ZFHX3: variants seen among roughly 807,000 people sequenced by gnomAD.
The protein encoded by ZFHX3 is zinc finger homeobox protein 3.
A neutral mutation model predicts 279.1 loss-of-function variants in ZFHX3; 42 were observed. The ratio of observed to expected loss-of-function variants is 0.15; its 90% CI spans 0.12 to 0.19. The LOEUF is 0.19. Among genes scored for constraint, ZFHX3 ranks in the 10% least tolerant of loss-of-function variants. The pLI, the probability that ZFHX3 is intolerant of heterozygous loss-of-function variation, is 1.00. For missense variants in ZFHX3, 4,981 were observed against 4,754.0 expected (o/e 1.05, Z -1.40); for synonymous variants, 2,293 against 1,957.8 (o/e 1.17, Z -4.52).
chr16:73,276,050 TA>T lies in ZFHX3; in HGVS notation c.-1193-18915del, dbSNP rs748875741. Among the ~76,000 whole-genome samples the T allele has an allele frequency of 1.1e-4, 17 of 152,272 alleles. No individual in the cohort carries two copies. The East Asian group carries it at 2.7e-3, about 24-fold the overall frequency. ...AGATGAAGCGTCCATGCCCCATTTT[TA>T]AAACTCTTATCATTTTTCCTACACA... On this transcript the variant is annotated intron_variant, in intron 4 of 17. Coordinates refer to the ZFHX3 transcript ENST00000641206.
At chr16:73,743,140 C>T (rs1465255591) in intron 1 of ZFHX3, among the ~76,000 whole-genome samples, 1 of 152,114 alleles carries the variant, frequency 6.6e-6, no homozygotes, top group African/African-American at 2.4e-5. Context: ...ACAAATTGAA[C>T]TACAACTTGC....
chr16:73,527,351 G>A lies in ZFHX3; in HGVS notation c.-1546-71093C>T, dbSNP rs555874112. The stretch of plus-strand genomic sequence containing the variant: ...AGGAGAAAAGAGGTTGTACTTTTGA[G>A]ACAGGTTGTGTCTATGAACTCCTAT... On this transcript the variant is annotated intron_variant, in intron 2 of 17. Transcript: ENST00000641206. Among the ~76,000 whole-genome samples the A allele has an allele frequency of 2.6e-3, 401 of 152,284 alleles. 2 individuals carry two copies. Among genetic ancestry groups the A allele is most frequent in the Admixed American group, 6.0e-3 (91 of 15,286 alleles).
intron 1 of ZFHX3, among the ~76,000 whole-genome samples, chr16:73,735,347 C>T (rs574215632): frequency 9.3e-4 from 132 of 142,044 alleles, no homozygotes; most frequent in African/African-American, 2.9e-3. Flanking sequence ...AAATCTCCAA[C>T]GGAAATCCAA....
rs755560473 is a variant in ZFHX3, at chr16:72,959,869, T to C, written c.277A>G (p.Thr93Ala). 5.6e-6 allele frequency: 9 copies of C among 1,603,494 alleles called. 1 individual carries two copies. The South Asian group carries it at 8.9e-5, about 16-fold the overall frequency. ...ECSASFASLQTYMEHHCPSAR... is the reference protein window; with the variant it reads ...ECSASFASLQAYMEHHCPSAR... ...CTGGGGCAGTGGTGCTCCATGTAGG[T>C]CTGGAGGCTGGCAAAGGAGGCCGAA... Residue 93 changes from threonine to alanine, a missense_variant, in exon 2 of 10, where the codon ACC becomes GCC. Physicochemically the swap from Thr to Ala is moderately conservative, Grantham distance 58. Coordinates refer to ENST00000268489, the MANE Select transcript of ZFHX3 (RefSeq NM_006885.4).
chr16:73,658,158 G>C (rs879497622), intron 2 of ZFHX3, among the ~76,000 whole-genome samples: 4 of 151,926 alleles, frequency 2.6e-5, no homozygotes, highest in Admixed American at 1.3e-4. Flanking sequence ...ATTTATTCTT[G>C]TGACCACTAT....
At chr16:73,185,552 G>A (rs922483577) in intron 5 of ZFHX3, among the ~76,000 whole-genome samples, 9 of 152,168 alleles carry the variant, frequency 5.9e-5, no homozygotes, top group Non-Finnish European at 1.0e-4. Context: ...GTGTGGAATG[G>A]GCAAACCTCT....
intron 2 of ZFHX3, among the ~76,000 whole-genome samples, chr16:73,637,108 A>G (rs2052533802): frequency 6.6e-6 from 1 of 152,084 alleles, no homozygotes; most frequent in Non-Finnish European, 1.5e-5. Context: ...ATATATAAGA[A>G]TTTGTATAAT....
intron 2 of ZFHX3, among the ~76,000 whole-genome samples, chr16:73,661,646 C>T (rs563160372): frequency 4.0e-5 from 6 of 148,870 alleles, no homozygotes; most frequent in African/African-American, 1.2e-4. Flanking sequence ...CACTTGAACC[C>T]GGGAGGTGAA....
chr16:73,573,036 C>T (rs1345011616), intron 2 of ZFHX3, among the ~76,000 whole-genome samples: 2 of 152,180 alleles, frequency 1.3e-5, no homozygotes, highest in East Asian at 1.9e-4. Context: ...TTTATCCCTC[C>T]GTGACCCCAA....
In ZFHX3 at chr16:72,934,338, G is replaced by A. The variant is rs1048945261; in HGVS notation, c.3216+16131C>T. Reference sequence around the variant, plus strand: ...AGCTACTTGGGAGGCTGAGGCAGGAGAATCACTTGAACCCGGGAGGCGAAG... The same window carrying A: ...AGCTACTTGGGAGGCTGAGGCAGGAAAATCACTTGAACCCGGGAGGCGAAG... On this transcript the variant is annotated intron_variant, in intron 3 of 9. Transcript: ENST00000268489. Among the ~76,000 whole-genome samples the A allele has an allele frequency of 3.9e-5, 6 of 152,284 alleles. No homozygotes were observed. In the East Asian group the frequency reaches 5.8e-4, roughly 15 times the overall value.
chr16:73,060,371 C>CA (rs1965666424), upstream of ZFHX3: 1 of 152,128 alleles, frequency 6.6e-6, no homozygotes, highest in African/African-American at 2.4e-5. Context: ...TCCCTGGAAT[C>CA]AAAGACAGCA....
intron 7 of ZFHX3, chr16:72,809,581 C>G (rs1185878256): frequency 1.3e-5 from 2 of 152,348 alleles, no homozygotes; most frequent in East Asian, 1.9e-4. Context: ...CACCTTTGAG[C>G]TTCCCATTGG....
At chr16:73,055,694 G>GCACACACACACA (rs753027373) in intron 1 of ZFHX3, among the ~76,000 whole-genome samples, 7,640 of 137,754 alleles carry the variant, frequency 0.055, 238 homozygotes, top group East Asian at 0.11. Flanking sequence ...GCGCGCGCGC[G>GCACACACACACA]CGCGCACACA....
intron 7 of ZFHX3, among the ~76,000 whole-genome samples, chr16:73,121,219 T>C (rs149340359): frequency 4.9e-4 from 75 of 152,372 alleles, no homozygotes; most frequent in African/African-American, 1.7e-3. Flanking sequence ...AAATTTGGCA[T>C]ACAAATTGAG....
chr16:73,476,689 G>C (rs1462040369), intron 2 of ZFHX3, among the ~76,000 whole-genome samples: 2 of 152,090 alleles, frequency 1.3e-5, no homozygotes, highest in African/African-American at 2.4e-5. Flanking sequence ...ATTTTATATT[G>C]ACATTGCTTT....
Position 72,788,097 on chromosome 16 carries a change from CTGCTGCACTTTT to C in ZFHX3, c.10167_10178del (p.Lys3390_Gln3393del). ...GGGTTTGGCTTGCTTTGGGCTGCTG[CTGCTGCACTTTT>C]TGCTGCTGCTGCTGCTGTAGTTGCC... On this transcript the variant is annotated inframe_deletion, in exon 10 of 10. Coordinates refer to ENST00000268489, the MANE Select transcript of ZFHX3 (RefSeq NM_006885.4). The C allele has an allele frequency of 6.2e-7, 1 of 1,608,636 alleles. No individual in the cohort carries two copies. Among genetic ancestry groups the C allele is most frequent in the Non-Finnish European group, 8.5e-7 (1 of 1,176,878 alleles).
intron 4 of ZFHX3, among the ~76,000 whole-genome samples, chr16:72,868,825 T>A (rs1431315629): frequency 6.9e-6 from 1 of 145,224 alleles, no homozygotes; most frequent in Non-Finnish European, 1.5e-5. Context: ...ACCTCAGGAG[T>A]TGTAAGAAAC....
chr16:73,361,498 G>T (rs529696914), intron 3 of ZFHX3, among the ~76,000 whole-genome samples: 1 of 152,300 alleles, frequency 6.6e-6, no homozygotes, highest in South Asian at 2.1e-4. Context: ...AAATCTTGAG[G>T]TGTCTGGTTA....
At chr16:73,221,461 A>G (rs1018447567) in intron 5 of ZFHX3, among the ~76,000 whole-genome samples, 8 of 152,176 alleles carry the variant, frequency 5.3e-5, no homozygotes, top group African/African-American at 1.9e-4. Context: ...TCCTATCTAT[A>G]CTAATCTGTA....
Sources: gnomAD v4.1 joint callset for allele counts (sites outside exome capture counted in the v4.1 genomes callset) on GRCh38, gnomAD v4.1.1 for gene constraint, MANE v1.5 for transcripts, NCBI Gene and HGNC (gene_info 2026-07-23, HGNC 2026-07-21) for gene names.